Variants in ITPR2 observed in about 807,000 individuals in gnomAD.
ITPR2 encodes inositol 1,4,5-trisphosphate receptor type 2.
ITPR2 carries 207 observed loss-of-function variants against 317.1 expected under a neutral mutation model. That is an observed-to-expected ratio of 0.65 (90% CI 0.58 to 0.73). The LOEUF is 0.73. Ranked by LOEUF, ITPR2 falls within the 30% of genes least tolerant of loss-of-function variation. The pLI is 0.00. For synonymous variants in ITPR2, 1,156 were observed against 1,149.1 expected, an observed-to-expected ratio of 1.01 and a Z score of -0.12; for missense variants, 2,613 against 3,284.0, an observed-to-expected ratio of 0.80 and a Z score of 4.99.
chr12:26,452,226 C>T (rs923319435), intron 45 of ITPR2, among the ~76,000 whole-genome samples: 3 of 151,864 alleles, frequency 2.0e-5, no homozygotes, highest in Admixed American at 6.6e-5. Context: ...AATTTGGATT[C>T]CCTTCTGAAA....
At chr12:26,509,038 A>G (rs564614644) in intron 37 of ITPR2, among the ~76,000 whole-genome samples, 1 of 152,386 alleles carries the variant, frequency 6.6e-6, no homozygotes, top group African/African-American at 2.4e-5. Flanking sequence ...TGCACATAAT[A>G]GAATATTATT....
At chr12:26,766,297 G>GTT (rs376672186) in intron 2 of ITPR2, among the ~76,000 whole-genome samples, 1 of 146,718 alleles carries the variant, frequency 6.8e-6, no homozygotes, top group African/African-American at 2.5e-5. Flanking sequence ...TTTATTATCT[G>GTT]TTTTTTTTTT....
chr12:26,465,472 A>G (rs1942148603), intron 45 of ITPR2, among the ~76,000 whole-genome samples: 1 of 152,232 alleles, frequency 6.6e-6, no homozygotes, highest in African/African-American at 2.4e-5. Context: ...CACTTTTGCT[A>G]TAAAAGACAG....
chr12:26,585,506 G>A (rs1945503225), intron 32 of ITPR2, among the ~76,000 whole-genome samples: 1 of 152,116 alleles, frequency 6.6e-6, no homozygotes, highest in Admixed American at 6.5e-5. Flanking sequence ...CCAGGTTTAA[G>A]GGATCCTCCT....
intron 2 of ITPR2, among the ~76,000 whole-genome samples, chr12:26,750,230 A>G (rs1384676579): frequency 3.3e-5 from 5 of 152,190 alleles, no homozygotes; most frequent in Non-Finnish European, 5.9e-5. Flanking sequence ...CATTGTTGCA[A>G]TGTGGGTAGA....
intron 55 of ITPR2, among the ~76,000 whole-genome samples, chr12:26,370,647 G>A (rs1426930602): frequency 6.7e-6 from 1 of 148,630 alleles, no homozygotes; most frequent in Non-Finnish European, 1.5e-5. Flanking sequence ...TGGCAAACAC[G>A]AATTTATTTT....
At position 26,746,191 on chromosome 12, in the gene ITPR2, A is replaced by AACACACACAC. The variant is rs71437307; in HGVS notation, c.164-20436_164-20427dup. Among the ~76,000 whole-genome samples, 263 of 150,430 alleles carry AACACACACAC rather than the reference A, an allele frequency of 1.7e-3. 1 individual carries two copies. Among genetic ancestry groups the AACACACACAC allele is most frequent in the Non-Finnish European group, 2.4e-3 (162 of 67,570 alleles). On this transcript the variant is annotated intron_variant, in intron 2 of 56. Transcript: ENST00000381340. ...AGCACAAATAGCTGTGTATTCCTAC[A>AACACACACAC]ACACACACACACACACACACACATA...
chr12:26,673,136 T>A (rs1468550610), intron 13 of ITPR2, among the ~76,000 whole-genome samples: 1 of 152,188 alleles, frequency 6.6e-6, no homozygotes, highest in Non-Finnish European at 1.5e-5. Flanking sequence ...CTGGTATCAT[T>A]CCTTCTGAAA....
chr12:26,476,835 T>G, intron 44 of ITPR2, 77 bp downstream of exon 44: 2 of 863,262 alleles, frequency 2.3e-6, no homozygotes, highest in Non-Finnish European at 3.8e-6. Flanking sequence ...AATCAACTTT[T>G]TTTTCTGACA....
Position 26,801,652 on chromosome 12 carries a change from G to A in ITPR2, c.93-11425C>T, listed in dbSNP as rs541167056. On this transcript the variant is annotated intron_variant, in intron 1 of 56. Transcript: ENST00000381340. The stretch of plus-strand genomic sequence containing the variant: ...CTGACCTCTCTCTCAGTCATCAGGC[G>A]CTAACTAGAGATGTCAAGAGATTTT... Among the ~76,000 whole-genome samples the A allele has an allele frequency of 2.0e-4, 31 of 152,178 alleles. 1 individual carries two copies. Among genetic ancestry groups the A allele is most frequent in the East Asian group, 1.4e-3 (7 of 5,178 alleles).
At chr12:26,816,946 A>C (rs759844225) in intron 1 of ITPR2, among the ~76,000 whole-genome samples, 2 of 152,056 alleles carry the variant, frequency 1.3e-5, no homozygotes, top group Non-Finnish European at 2.9e-5. Flanking sequence ...TTGGGAGGCC[A>C]AGGTGGGCGG....
chr12:26,380,974 T>C (rs974016782), intron 55 of ITPR2, among the ~76,000 whole-genome samples: 7 of 152,202 alleles, frequency 4.6e-5, no homozygotes, highest in African/African-American at 1.7e-4. Flanking sequence ...TTTAAGGTCT[T>C]AACAGATCAT....
chr12:26,565,883 G>A (rs182858817), intron 34 of ITPR2, among the ~76,000 whole-genome samples: 785 of 20,502 alleles, frequency 0.038, 3 homozygotes, highest in Non-Finnish European at 0.065. Flanking sequence ...AGAGGAGAGG[G>A]GAGGGGAGGA....
chr12:26,414,710 G>T (rs562701888), intron 51 of ITPR2, among the ~76,000 whole-genome samples: 3 of 152,068 alleles, frequency 2.0e-5, no homozygotes, highest in African/African-American at 7.2e-5. Flanking sequence ...ATAAATGGAC[G>T]GTGCCTAACC....
chr12:26,583,770 A>G, intron 32 of ITPR2, among the ~76,000 whole-genome samples: 1 of 152,070 alleles, frequency 6.6e-6, no homozygotes, highest in South Asian at 2.1e-4. Flanking sequence ...TCTCTAATAT[A>G]CTCCATGGAT....
At chr12:26,405,747 C>G (rs1940327243) in intron 52 of ITPR2, among the ~76,000 whole-genome samples, 1 of 152,172 alleles carries the variant, frequency 6.6e-6, no homozygotes, top group African/African-American at 2.4e-5. Flanking sequence ...CACCTGAGGT[C>G]AGGAGCTCAA....
chr12:26,780,356 G>C (rs1387143834), intron 2 of ITPR2, among the ~76,000 whole-genome samples: 1 of 152,184 alleles, frequency 6.6e-6, no homozygotes, highest in Non-Finnish European at 1.5e-5. Flanking sequence ...CTCCAGATAT[G>C]GGTTTGCCTA....
At chr12:26,341,941 T>C (rs1363030432) in intron 55 of ITPR2, among the ~76,000 whole-genome samples, 1 of 152,206 alleles carries the variant, frequency 6.6e-6, no homozygotes, top group Admixed American at 6.5e-5. Flanking sequence ...TGTTAAGGAC[T>C]CTGGTTTACA....
At chr12:26,775,110 C>T (rs1314554843) in intron 2 of ITPR2, among the ~76,000 whole-genome samples, 1 of 152,180 alleles carries the variant, frequency 6.6e-6, no homozygotes, top group African/African-American at 2.4e-5. Context: ...AATAGATTAC[C>T]TCTACCAAGT....
Sources: allele counts gnomAD v4.1 joint callset (sites outside exome capture counted in the v4.1 genomes callset), GRCh38; gene constraint gnomAD v4.1.1; transcripts MANE v1.5; gene names NCBI Gene and HGNC (gene_info 2026-07-23, HGNC 2026-07-21).